NRXN1: variants seen among roughly 807,000 people sequenced by gnomAD.
NRXN1 encodes the protein neurexin-1.
A neutral mutation model predicts 150.9 loss-of-function variants in NRXN1; 39 were observed. The observed-to-expected ratio is 0.26, with a 90% CI of 0.20 to 0.34. The LOEUF (loss-of-function observed/expected upper bound fraction) is 0.34, where lower values mean the gene tolerates loss of function less well. Ranked by LOEUF, NRXN1 falls within the 10% of genes least tolerant of loss-of-function variation. NRXN1 has a pLI of 1.00. For missense variants in NRXN1, 1,815 were observed against 1,949.9 expected (o/e 0.93, Z 1.30); for synonymous variants, 924 against 757.0 (o/e 1.22, Z -3.62).
intron 12 of NRXN1, among the ~76,000 whole-genome samples, chr2:50,523,140 C>CA (rs2092843251): frequency 8.1e-5 from 3 of 37,210 alleles, no homozygotes; most frequent in South Asian, 9.3e-4. Flanking sequence ...ATTTTACATG[C>CA]AATTTTTTTT....
intron 9 of NRXN1, among the ~76,000 whole-genome samples, chr2:50,539,033 T>A (rs1303243677): frequency 6.6e-6 from 1 of 152,204 alleles, no homozygotes; most frequent in African/African-American, 2.4e-5. Flanking sequence ...TCAATTGCAA[T>A]CCAAAGAAAG....
chr2:49,998,528 A>G (rs990323442), intron 21 of NRXN1, among the ~76,000 whole-genome samples: 2 of 152,082 alleles, frequency 1.3e-5, no homozygotes, highest in Non-Finnish European at 2.9e-5. Context: ...TTTGCTACCC[A>G]AAACACATGT....
intron 17 of NRXN1, among the ~76,000 whole-genome samples, chr2:50,414,865 G>T (rs2083430771): frequency 6.6e-6 from 1 of 151,962 alleles, no homozygotes; most frequent in Non-Finnish European, 1.5e-5. Flanking sequence ...AATTGAGAAG[G>T]GAGACTATGT....
intron 17 of NRXN1, among the ~76,000 whole-genome samples, chr2:50,336,625 G>A (rs189571354): frequency 7.2e-4 from 110 of 152,176 alleles, no homozygotes; most frequent in African/African-American, 2.1e-3. Context: ...TCATGACTGC[G>A]CTTGCAAATT....
chr2:50,111,367 G>C (rs1288995910), intron 18 of NRXN1, among the ~76,000 whole-genome samples: 1 of 152,030 alleles, frequency 6.6e-6, no homozygotes, highest in African/African-American at 2.4e-5. Flanking sequence ...CTCTCATGCG[G>C]CATGGTGGTC....
Position 49,943,805 on chromosome 2 carries a change from A to C in NRXN1, c.4129-14T>G, listed in dbSNP as rs201822960. The C allele has an allele frequency of 1.3e-6, 2 of 1,584,020 alleles. No individual in the cohort carries two copies. Among genetic ancestry groups the C allele is most frequent in the Non-Finnish European group, 1.7e-6 (2 of 1,155,074 alleles). ...GTCATCTGTGGTCTGCAAAAGAATC[A>C]CATTCAGTAGATTAATTTAAAGGGT... On this transcript the variant is annotated splice_polypyrimidine_tract_variant and intron_variant, in intron 21 of 22. Coordinates refer to ENST00000401669, the MANE Select transcript of NRXN1 (RefSeq NM_001330078.2).
chr2:50,655,673 G>C (rs912371326), intron 5 of NRXN1, among the ~76,000 whole-genome samples: 9 of 151,168 alleles, frequency 6.0e-5, no homozygotes, highest in African/African-American at 2.0e-4. Context: ...CTTTTGGGGG[G>C]GGAGGGAAGA....
At chr2:50,847,733 G>C (rs1045802407) in intron 5 of NRXN1, among the ~76,000 whole-genome samples, 6 of 152,190 alleles carry the variant, frequency 3.9e-5, no homozygotes, top group African/African-American at 9.6e-5. Context: ...CAGGGAGCAC[G>C]TCAAGAGGAC....
chr2:50,738,206 A>G (rs1699001646), intron 5 of NRXN1, among the ~76,000 whole-genome samples: 1 of 152,212 alleles, frequency 6.6e-6, no homozygotes, highest in Admixed American at 6.5e-5. Flanking sequence ...TTGTGGGCCA[A>G]TATTTTATAA....
intron 17 of NRXN1, among the ~76,000 whole-genome samples, chr2:50,343,999 A>G (rs1306012103): frequency 6.6e-6 from 1 of 152,188 alleles, no homozygotes; most frequent in Non-Finnish European, 1.5e-5. Flanking sequence ...CTATGAATTT[A>G]TCATATTGTC....
rs2093113702 is a variant in NRXN1, at chr2:50,531,567, G to T, written c.2144-137C>A. On this transcript the variant is annotated intron_variant, in intron 10 of 22. Transcript: ENST00000401669. The stretch of plus-strand genomic sequence containing the variant: ...CTACAAAATCAATTCATCTTCTTCA[G>T]AAATAAACAAAACTGTGAGCTGGAA... 3 of 696,790 alleles carry T rather than the reference G, an allele frequency of 4.3e-6. No individual in the cohort carries two copies. In the East Asian group the frequency reaches 8.2e-5, roughly 19 times the overall value. 43.2% of individuals were successfully genotyped at this position (696,790 alleles called of 1,614,324 possible). A position where few individuals can be genotyped will look rare whatever the true frequency, so the allele number is the denominator to read the frequency against.
At position 50,369,411 on chromosome 2, in the gene NRXN1, C is replaced by T. The variant is rs546583500; in HGVS notation, c.3364+96031G>A. On this transcript the variant is annotated intron_variant, in intron 17 of 22. Transcript: ENST00000401669. The stretch of plus-strand genomic sequence containing the variant: ...TTTGATCATAAGTATAAAGAGTTTT[C>T]TCAGCAATAATTCTTATTCTTCCAT... 3.9e-5 allele frequency among the ~76,000 whole-genome samples: 6 copies of T among 152,056 alleles called. No individual in the cohort carries two copies. The South Asian group carries it at 1.2e-3, about 31-fold the overall frequency.
intron 17 of NRXN1, among the ~76,000 whole-genome samples, chr2:50,356,582 G>C (rs2078836425): frequency 6.6e-6 from 1 of 152,062 alleles, no homozygotes. Flanking sequence ...TGTTTATCTT[G>C]ACAGGTGTTA....
intron 4 of NRXN1, among the ~76,000 whole-genome samples, chr2:50,922,272 T>A (rs1008437748): frequency 6.6e-6 from 1 of 151,852 alleles, no homozygotes; most frequent in Non-Finnish European, 1.5e-5. Flanking sequence ...AATGGACTTA[T>A]TTTTTGGATA....
At chr2:50,061,663 A>C (rs1694554563) in intron 19 of NRXN1, among the ~76,000 whole-genome samples, 2 of 152,226 alleles carry the variant, frequency 1.3e-5, no homozygotes, top group South Asian at 4.1e-4. Flanking sequence ...ATGCTGAGCA[A>C]ATAGGCTTGA....
intron 17 of NRXN1, among the ~76,000 whole-genome samples, chr2:50,257,255 G>C (rs2067793693): frequency 6.6e-6 from 1 of 151,898 alleles, no homozygotes; most frequent in South Asian, 2.1e-4. Flanking sequence ...AGTAAACTGA[G>C]GTTACCTACC....
rs984891624 is a variant in NRXN1 at position 50,611,705 on chromosome 2, G to A, written c.1320+8317C>T. ...GTTTTCTGTGCATTCCTGTTTGTATGGCTGGCTACACAGTATGGAAAATAA... is the reference window on the plus strand; with the variant it reads ...GTTTTCTGTGCATTCCTGTTTGTATAGCTGGCTACACAGTATGGAAAATAA... On this transcript the variant is annotated intron_variant, in intron 8 of 22. Coordinates refer to ENST00000401669, the MANE Select transcript of NRXN1 (RefSeq NM_001330078.2). Among the ~76,000 whole-genome samples the A allele has an allele frequency of 1.6e-4, 25 of 152,194 alleles. 1 individual carries two copies. Among genetic ancestry groups the A allele is most frequent in the Non-Finnish European group, 2.9e-5 (2 of 68,038 alleles).
chr2:50,939,736 A>G (rs1336951145), intron 2 of NRXN1, among the ~76,000 whole-genome samples: 1 of 152,210 alleles, frequency 6.6e-6, no homozygotes, highest in Non-Finnish European at 1.5e-5. Flanking sequence ...AAACAATTCA[A>G]AATAACCACA....
chr2:50,416,862 C>A (rs887790033), intron 17 of NRXN1, among the ~76,000 whole-genome samples: 7 of 152,120 alleles, frequency 4.6e-5, no homozygotes, highest in Non-Finnish European at 7.4e-5. Context: ...ACAAGAACTA[C>A]AATTAAAGAT....
Sources: gnomAD v4.1 joint callset for allele counts (sites outside exome capture counted in the v4.1 genomes callset) on GRCh38, gnomAD v4.1.1 for gene constraint, MANE v1.5 for transcripts, NCBI Gene and HGNC (gene_info 2026-07-23, HGNC 2026-07-21) for gene names.